The following CSMD1 variants were observed in gnomAD, a reference collection of about 807,000 sequenced individuals.
CSMD1 encodes the protein CUB and Sushi multiple domains 1.
In CSMD1, 213 loss-of-function variants were observed where a neutral mutation model predicts 417.5. The ratio of observed to expected loss-of-function variants is 0.51; its 90% CI spans 0.46 to 0.57. CSMD1 has a LOEUF of 0.57. Among genes scored for constraint, CSMD1 ranks in the 20% least tolerant of loss-of-function variants. The probability of loss-of-function intolerance (pLI) is 0.00; values close to 1 mark genes in which losing one functional copy is unlikely to be tolerated. For synonymous variants in CSMD1, 2,862 were observed against 1,736.8 expected, an observed-to-expected ratio of 1.65 and a Z score of -16.11; for missense variants, 6,923 against 4,529.7, an observed-to-expected ratio of 1.53 and a Z score of -15.17.
At chr8:3,686,849 C>T (rs1373206843) in intron 7 of CSMD1, among the ~76,000 whole-genome samples, 2 of 152,170 alleles carry the variant, frequency 1.3e-5, no homozygotes, top group African/African-American at 2.4e-5. Flanking sequence ...ATTAAATAAA[C>T]CTGCATGCTT....
chr8:3,355,145 G>A (rs73505675), intron 21 of CSMD1, among the ~76,000 whole-genome samples: 7,754 of 151,652 alleles, frequency 0.051, 683 homozygotes, highest in African/African-American at 0.18. Flanking sequence ...CAAGCAAATA[G>A]AGTTAATACA....
chr8:3,484,875 G>C (rs1817935296), intron 11 of CSMD1, among the ~76,000 whole-genome samples: 1 of 152,162 alleles, frequency 6.6e-6, no homozygotes, highest in African/African-American at 2.4e-5. Context: ...CCACAACGAG[G>C]TGTCATTACA....
At chr8:4,292,819 C>A (rs1158803612) in intron 3 of CSMD1, among the ~76,000 whole-genome samples, 1 of 152,032 alleles carries the variant, frequency 6.6e-6, no homozygotes, top group Non-Finnish European at 1.5e-5. Context: ...AAAAGATTTA[C>A]CTAAGAGTCA....
chr8:4,320,467 CGATCTACATT>C (rs1219425299), intron 3 of CSMD1, among the ~76,000 whole-genome samples: 3 of 151,810 alleles, frequency 2.0e-5, no homozygotes, highest in Non-Finnish European at 4.4e-5. Flanking sequence ...TATCAACCTG[CGATCTACATT>C]AGATATTTTT....
At chr8:3,636,911 C>A (rs149410734) in intron 7 of CSMD1, among the ~76,000 whole-genome samples, 1 of 152,240 alleles carries the variant, frequency 6.6e-6, no homozygotes, top group Middle Eastern at 3.4e-3. Flanking sequence ...GTCATGAGTT[C>A]TCTGCCCTCA....
At chr8:3,878,531 GA>G (rs1731753937) in intron 5 of CSMD1, among the ~76,000 whole-genome samples, 1 of 151,982 alleles carries the variant, frequency 6.6e-6, no homozygotes, top group Non-Finnish European at 1.5e-5. Context: ...TTTAAAAAAT[GA>G]AAAAGGAAAT....
At chr8:4,145,246 G>A (rs140841862) in intron 3 of CSMD1, among the ~76,000 whole-genome samples, 1 of 150,880 alleles carries the variant, frequency 6.6e-6, no homozygotes, top group East Asian at 1.9e-4. Flanking sequence ...TCATGACCTG[G>A]ACAGGTATAA....
At chr8:3,714,084 A>G (rs1486008160) in intron 6 of CSMD1, among the ~76,000 whole-genome samples, 1 of 151,168 alleles carries the variant, frequency 6.6e-6, no homozygotes, top group Non-Finnish European at 1.5e-5. Context: ...ACATATGTAT[A>G]TAATCATGTA....
intron 10 of CSMD1, among the ~76,000 whole-genome samples, chr8:3,554,564 G>T (rs1270998985): frequency 6.6e-6 from 1 of 152,200 alleles, no homozygotes; most frequent in African/African-American, 2.4e-5. Flanking sequence ...TGGAAGCCAT[G>T]AAGAAGCTAC....
intron 2 of CSMD1, among the ~76,000 whole-genome samples, chr8:4,474,799 G>C (rs569321969): frequency 4.4e-4 from 67 of 152,244 alleles, no homozygotes; most frequent in African/African-American, 1.5e-3. Flanking sequence ...AAGACCATGA[G>C]GAGGAAGAAT....
chr8:3,823,358 C>T (rs1023137285), intron 5 of CSMD1, among the ~76,000 whole-genome samples: 5 of 152,078 alleles, frequency 3.3e-5, no homozygotes, highest in Admixed American at 6.6e-5. Context: ...TTTTTAATCC[C>T]GGTTGCATTA....
intron 6 of CSMD1, among the ~76,000 whole-genome samples, chr8:3,709,709 T>TTTC (rs1554518391): frequency 3.9e-5 from 5 of 129,586 alleles, no homozygotes; most frequent in South Asian, 5.5e-4. Context: ...TTTTTTTTTT[T>TTTC]CCCTGCTTTC....
At chr8:3,618,064 C>G (rs1164000376) in intron 7 of CSMD1, among the ~76,000 whole-genome samples, 2 of 152,068 alleles carry the variant, frequency 1.3e-5, no homozygotes, top group African/African-American at 2.4e-5. Flanking sequence ...TGCAGTGGCA[C>G]AATCATGGAT....
chr8:3,291,812 G>A (rs547109123), intron 25 of CSMD1, among the ~76,000 whole-genome samples: 1 of 151,900 alleles, frequency 6.6e-6, no homozygotes, highest in Non-Finnish European at 1.5e-5. Flanking sequence ...AGGGTTTTTT[G>A]CGTCTCTATT....
chr8:3,590,393 A>C (rs1039748252), intron 8 of CSMD1, among the ~76,000 whole-genome samples: 1 of 152,086 alleles, frequency 6.6e-6, no homozygotes, highest in Non-Finnish European at 1.5e-5. Context: ...AGTCATGTGC[A>C]CTCTCCAGGA....
At chr8:4,726,508 G>T (rs774110702) in intron 1 of CSMD1, among the ~76,000 whole-genome samples, 3 of 152,038 alleles carry the variant, frequency 2.0e-5, no homozygotes, top group Non-Finnish European at 2.9e-5. Context: ...AGACCTCAAT[G>T]GACAGGGCTT....
intron 3 of CSMD1, among the ~76,000 whole-genome samples, chr8:4,307,918 G>A (rs1260302647): frequency 6.6e-6 from 1 of 152,132 alleles, no homozygotes; most frequent in African/African-American, 2.4e-5. Context: ...TTTAGCAAGA[G>A]GACCCCCGGA....
At chr8:3,477,744 A>G (rs543832776) in intron 11 of CSMD1, among the ~76,000 whole-genome samples, 8 of 152,272 alleles carry the variant, frequency 5.3e-5, no homozygotes, top group Admixed American at 2.0e-4. Context: ...GGTCTCTCAC[A>G]TATCTTCAGA....
Position 4,323,710 on chromosome 8 carries a change from G to A in CSMD1, c.415+96243C>T, listed in dbSNP as rs114371954. On this transcript the variant is annotated intron_variant, in intron 3 of 69. Coordinates refer to ENST00000635120, the MANE Select transcript of CSMD1 (RefSeq NM_033225.6). ...GAAATGTATAAAATAGAAGGAAGCC[G>A]AGAGGGTATGATTTGGGTATTTCAC... 2.8e-3 allele frequency among the ~76,000 whole-genome samples: 420 copies of A among 152,044 alleles called. 1 individual carries two copies. The highest frequency in any genetic ancestry group is 9.6e-3 in the African/African-American group (399 of 41,540).
Sources: gnomAD v4.1 joint callset for allele counts (sites outside exome capture counted in the v4.1 genomes callset) on GRCh38, gnomAD v4.1.1 for gene constraint, MANE v1.5 for transcripts, NCBI Gene and HGNC (gene_info 2026-07-23, HGNC 2026-07-21) for gene names.